The following PHKB variants were observed in gnomAD, a reference collection of about 807,000 sequenced individuals.
The protein encoded by PHKB is phosphorylase kinase regulatory subunit beta.
In PHKB, 122 loss-of-function variants were observed where a neutral mutation model predicts 152.1. The observed-to-expected ratio is 0.80, with a 90% confidence interval of 0.69 to 0.93. The LOEUF (loss-of-function observed/expected upper bound fraction) is 0.93. Among genes scored for constraint, PHKB ranks in the 40% least tolerant of loss-of-function variants. The pLI is 0.00. For missense variants in PHKB, 1,304 were observed against 1,328.4 expected (o/e 0.98, Z 0.29); for synonymous variants, 436 against 464.9 (o/e 0.94, Z 0.80).
chr16:47,656,039 C>T (rs1374389628), intron 20 of PHKB, among the ~76,000 whole-genome samples: 3 of 150,664 alleles, frequency 2.0e-5, no homozygotes, highest in Non-Finnish European at 4.4e-5. Flanking sequence ...TTAATTGAGA[C>T]TGAGTCTCAC....
chr16:47,523,584 G>C (rs779686700), intron 6 of PHKB, among the ~76,000 whole-genome samples: 2 of 152,202 alleles, frequency 1.3e-5, no homozygotes, highest in Admixed American at 6.5e-5. Flanking sequence ...TCAGCCAGAG[G>C]TGTGGGAGTA....
rs938547094 is a variant in PHKB at position 47,681,427 on chromosome 16, G to T, written c.2631-7614G>T. 9.4e-5 allele frequency among the ~76,000 whole-genome samples: 14 copies of T among 148,680 alleles called. 1 individual carries two copies. The highest frequency in any genetic ancestry group is 3.2e-4 in the African/African-American group (13 of 41,088). The stretch of plus-strand genomic sequence containing the variant: ...TCTAAGTCTCTTTGTAGGTCACTAA[G>T]GACTTGCTTTATGAAACTGGGTGCT... On this transcript the variant is annotated intron_variant, in intron 26 of 30. Coordinates refer to ENST00000323584, the MANE Select transcript of PHKB (RefSeq NM_000293.3).
chr16:47,677,857 G>A (rs961422892), intron 26 of PHKB, among the ~76,000 whole-genome samples: 1 of 150,920 alleles, frequency 6.6e-6, no homozygotes, highest in Non-Finnish European at 1.5e-5. Context: ...CCATGTTGGT[G>A]TGCTGCACCC....
intron 6 of PHKB, among the ~76,000 whole-genome samples, chr16:47,538,489 C>T (rs1198896183): frequency 6.6e-6 from 1 of 152,248 alleles, no homozygotes; most frequent in Admixed American, 6.5e-5. Context: ...AAATAACTCA[C>T]ACTCTCTTCT....
intron 23 of PHKB, among the ~76,000 whole-genome samples, chr16:47,662,858 G>T (rs1349370340): frequency 6.6e-6 from 1 of 151,752 alleles, no homozygotes; most frequent in South Asian, 2.1e-4. Context: ...AATTCAGAAT[G>T]GCTGTTTTTT....
chr16:47,503,114 G>A, intron 4 of PHKB, 24 bp downstream of exon 4: 1 of 1,335,800 alleles, frequency 7.5e-7, no homozygotes, highest in Non-Finnish European at 1.1e-6. Flanking sequence ...GTGTGGACGG[G>A]AATTCTCCCA....
At chr16:47,631,296 C>T (rs1032179800) in intron 14 of PHKB, among the ~76,000 whole-genome samples, 4 of 152,156 alleles carry the variant, frequency 2.6e-5, no homozygotes, top group African/African-American at 9.7e-5. Context: ...GATGTGTAAC[C>T]TTTGACAAAT....
chr16:47,593,658 T>C, intron 11 of PHKB, 101 bp downstream of exon 11: 1 of 754,562 alleles, frequency 1.3e-6, no homozygotes, highest in South Asian at 1.5e-5. Context: ...TTATGACTCT[T>C]TTCAGCTAGA....
chr16:47,670,921 A>G (rs772347635), intron 26 of PHKB, among the ~76,000 whole-genome samples: 13 of 152,186 alleles, frequency 8.5e-5, no homozygotes, highest in Non-Finnish European at 1.9e-4. Context: ...GGAGACTAGT[A>G]TAATACAGAC....
chr16:47,527,648 A>G (rs1970790801), intron 6 of PHKB, among the ~76,000 whole-genome samples: 1 of 152,242 alleles, frequency 6.6e-6, no homozygotes, highest in Non-Finnish European at 1.5e-5. Context: ...CAAAATTCAT[A>G]CATTGGAGCT....
chr16:47,469,627 AG>A (rs1414500678), intron 1 of PHKB, among the ~76,000 whole-genome samples: 1 of 150,216 alleles, frequency 6.7e-6, no homozygotes, highest in African/African-American at 2.4e-5. Flanking sequence ...GGGGCAGGGC[AG>A]GGGTTGAAAA....
intron 15 of PHKB, 145 bp from the exon 16 acceptor site, chr16:47,641,454 C>A: frequency 1.5e-6 from 1 of 655,766 alleles, no homozygotes; most frequent in Non-Finnish European, 2.8e-6. Flanking sequence ...CCTCTGAAAT[C>A]TAGTGCAGAT....
intron 3 of PHKB, 98 bp downstream of exon 3, chr16:47,499,992 G>A: frequency 7.4e-7 from 1 of 1,353,152 alleles, no homozygotes; most frequent in Non-Finnish European, 1.1e-6. Context: ...CTCTGCTGCT[G>A]ACTCACTGTG....
chr16:47,589,526 T>A (rs1971991897), intron 10 of PHKB, among the ~76,000 whole-genome samples: 1 of 152,232 alleles, frequency 6.6e-6, no homozygotes, highest in African/African-American at 2.4e-5. Flanking sequence ...TTCATTCTAT[T>A]AAGCAAATTC....
At chr16:47,658,809 AGT>A (rs36066227) in intron 20 of PHKB, among the ~76,000 whole-genome samples, 7,908 of 140,686 alleles carry the variant, frequency 0.056, 279 homozygotes, top group East Asian at 0.16. Flanking sequence ...AATGCATGAC[AGT>A]GTGTGTGTGT....
intron 13 of PHKB, among the ~76,000 whole-genome samples, chr16:47,609,886 T>C (rs1464252205): frequency 6.6e-6 from 1 of 152,176 alleles, no homozygotes; most frequent in Non-Finnish European, 1.5e-5. Flanking sequence ...CTTGATTCTG[T>C]ATTGTTTTTC....
intron 13 of PHKB, among the ~76,000 whole-genome samples, chr16:47,605,713 G>C (rs1972310029): frequency 6.6e-6 from 1 of 151,934 alleles, no homozygotes; most frequent in Non-Finnish European, 1.5e-5. Context: ...TTTTGAAAAA[G>C]TGTATTTTTT....
Position 47,593,511 on chromosome 16 carries a change from C to T in PHKB, c.1080C>T (p.Gly360=). 1 of 1,446,260 alleles carries T rather than the reference C, an allele frequency of 6.9e-7. No homozygotes were observed. The highest frequency in any genetic ancestry group is 1.7e-5 in the Admixed American group (1 of 59,666). The allele number at this position is 1,446,260 out of a possible 1,614,324, so 89.6% of individuals were successfully genotyped here. A position where few individuals can be genotyped will look rare whatever the true frequency, so the allele number is the denominator to read the frequency against. The change falls in exon 11 of 31, where the codon GGC becomes GGT. Residue 360 remains glycine, a synonymous_variant. Transcript: ENST00000323584. Reference sequence around the variant, plus strand: ...ATTTTCTGTTTTAGCTATTTGATGGCATTGAATGTGAATTTCCCATATTTT... The same window carrying T: ...ATTTTCTGTTTTAGCTATTTGATGGTATTGAATGTGAATTTCCCATATTTT... ...YKPAEIKLFD[G]IECEFPIFFL...
intron 9 of PHKB, among the ~76,000 whole-genome samples, chr16:47,587,981 G>T (rs1186840449): frequency 1.3e-5 from 2 of 152,128 alleles, no homozygotes; most frequent in Non-Finnish European, 2.9e-5. Flanking sequence ...TGAATCTTTT[G>T]CAGGAGAATA....
Sources: gnomAD v4.1 joint callset for allele counts (sites outside exome capture counted in the v4.1 genomes callset) on GRCh38, gnomAD v4.1.1 for gene constraint, MANE v1.5 for transcripts, NCBI Gene and HGNC (gene_info 2026-07-23, HGNC 2026-07-21) for gene names.